PTPRD: variants seen among roughly 807,000 people sequenced by gnomAD.
The protein encoded by PTPRD is protein tyrosine phosphatase receptor type D.
In PTPRD, 34 loss-of-function variants were observed where a neutral mutation model predicts 214.5. That is an observed-to-expected ratio of 0.16 (90% confidence interval 0.12 to 0.21). The LOEUF is 0.21. Ranked by LOEUF, PTPRD falls within the 10% of genes least tolerant of loss-of-function variation. The pLI is 1.00. For missense variants in PTPRD, 2,545 were observed against 2,398.7 expected, an observed-to-expected ratio of 1.06 and a Z score of -1.27; for synonymous variants, 1,128 against 845.7, an observed-to-expected ratio of 1.33 and a Z score of -5.79.
At chr9:8,588,695 A>G (rs1159057989) in intron 14 of PTPRD, among the ~76,000 whole-genome samples, 1 of 152,228 alleles carries the variant, frequency 6.6e-6, no homozygotes, top group Non-Finnish European at 1.5e-5. Flanking sequence ...AATATAATAC[A>G]AGATAATACA....
At chr9:8,868,631 CT>C (rs796148766) in intron 11 of PTPRD, among the ~76,000 whole-genome samples, 2 of 151,960 alleles carry the variant, frequency 1.3e-5, no homozygotes, top group South Asian at 4.2e-4. Context: ...AAAGTTGTTT[CT>C]TTTTTTTCTC....
intron 33 of PTPRD, among the ~76,000 whole-genome samples, chr9:8,450,043 T>C (rs2095875013): frequency 6.6e-6 from 1 of 152,120 alleles, no homozygotes; most frequent in African/African-American, 2.4e-5. Flanking sequence ...TTTAAGTCAA[T>C]GATCTCGAAG....
intron 4 of PTPRD, among the ~76,000 whole-genome samples, chr9:9,942,696 T>A (rs984871259): frequency 9.2e-5 from 14 of 152,248 alleles, no homozygotes; most frequent in African/African-American, 3.4e-4. Flanking sequence ...CTATTTTAAT[T>A]AGCATTTAAA....
rs1271560131 is a variant in PTPRD, at chr9:8,950,711, T to C, written c.-104+67986A>G. Among the ~76,000 whole-genome samples, 11 of 151,990 alleles carry C rather than the reference T, an allele frequency of 7.2e-5. No homozygotes were observed. The East Asian group carries it at 1.9e-3, about 27-fold the overall frequency. On this transcript the variant is annotated intron_variant, in intron 11 of 45. Transcript: ENST00000381196. ...ACACTTAGAATTATGTTTTTCTTTT[T>C]TTTTTTTTAAATAGAGCTTGAAAGA...
At chr9:9,888,167 G>A (rs1215373530) in intron 5 of PTPRD, among the ~76,000 whole-genome samples, 4 of 152,096 alleles carry the variant, frequency 2.6e-5, no homozygotes, top group Non-Finnish European at 5.9e-5. Flanking sequence ...TTCCCACATA[G>A]CAAATGGTGG....
chr9:10,028,979 G>A (rs2096988814), intron 4 of PTPRD, among the ~76,000 whole-genome samples: 1 of 152,054 alleles, frequency 6.6e-6, no homozygotes, highest in African/African-American at 2.4e-5. Context: ...CAGGGTCCCT[G>A]GGCTGTGTGC....
At chr9:8,490,724 T>C (rs533363040) in intron 27 of PTPRD, among the ~76,000 whole-genome samples, 1 of 152,280 alleles carries the variant, frequency 6.6e-6, no homozygotes, top group Admixed American at 6.5e-5. Flanking sequence ...AGAAGCATCC[T>C]TGAGGTTATA....
At chr9:8,577,973 T>C (rs546070212) in intron 14 of PTPRD, among the ~76,000 whole-genome samples, 25 of 152,322 alleles carry the variant, frequency 1.6e-4, no homozygotes, top group East Asian at 1.9e-4. Context: ...AGGACTTTGA[T>C]GGTTTTCATC....
intron 9 of PTPRD, among the ~76,000 whole-genome samples, chr9:9,362,936 C>T (rs975696933): frequency 1.1e-4 from 17 of 151,068 alleles, no homozygotes; most frequent in African/African-American, 2.7e-4. Flanking sequence ...AGTGGTGGAA[C>T]GTAGATTCTT....
intron 8 of PTPRD, among the ~76,000 whole-genome samples, chr9:9,437,487 T>C (rs1024610482): frequency 2.0e-5 from 3 of 152,110 alleles, no homozygotes; most frequent in African/African-American, 7.2e-5. Flanking sequence ...CTGTTGCGAT[T>C]TTTAATATAT....
At chr9:8,520,362 A>T (rs965232033) in intron 20 of PTPRD, among the ~76,000 whole-genome samples, 4 of 152,166 alleles carry the variant, frequency 2.6e-5, no homozygotes, top group Non-Finnish European at 5.9e-5. Flanking sequence ...GCTTGGTTAG[A>T]GATGCGATAC....
At chr9:9,170,336 T>G (rs958224801) in intron 10 of PTPRD, among the ~76,000 whole-genome samples, 4 of 152,194 alleles carry the variant, frequency 2.6e-5, no homozygotes, top group African/African-American at 9.6e-5. Flanking sequence ...TTTACTTATG[T>G]TAGATTTCAC....
intron 12 of PTPRD, among the ~76,000 whole-genome samples, chr9:8,727,403 G>A (rs1490936908): frequency 6.6e-6 from 1 of 152,196 alleles, no homozygotes; most frequent in Non-Finnish European, 1.5e-5. Flanking sequence ...TACTTTCCTT[G>A]CTTCAGACAG....
At chr9:9,241,647 T>C (rs944451451) in intron 9 of PTPRD, among the ~76,000 whole-genome samples, 1 of 152,034 alleles carries the variant, frequency 6.6e-6, no homozygotes, top group African/African-American at 2.4e-5. Context: ...GCCTGTTTTA[T>C]CAGAGACTAG....
At chr9:9,381,740 C>G (rs977433359) in intron 9 of PTPRD, among the ~76,000 whole-genome samples, 2 of 149,774 alleles carry the variant, frequency 1.3e-5, no homozygotes, top group African/African-American at 4.9e-5. Context: ...TTTTTAGTGG[C>G]TACCATAAAG....
chr9:10,347,795 C>A (rs146614831), intron 2 of PTPRD, among the ~76,000 whole-genome samples: 2 of 152,062 alleles, frequency 1.3e-5, no homozygotes, highest in East Asian at 2.0e-4. Flanking sequence ...CAGTGGCTCA[C>A]GCCTGTAATC....
At chr9:10,194,157 C>A (rs995508328) in intron 3 of PTPRD, among the ~76,000 whole-genome samples, 2 of 152,072 alleles carry the variant, frequency 1.3e-5, no homozygotes, top group Middle Eastern at 6.8e-3. Flanking sequence ...CTTAGCTTAT[C>A]ATTGATGCCT....
chr9:8,594,174 A>T (rs2094325730), intron 14 of PTPRD, among the ~76,000 whole-genome samples: 1 of 152,150 alleles, frequency 6.6e-6, no homozygotes, highest in African/African-American at 2.4e-5. Context: ...CTAATCTCCA[A>T]TCTCCACTTT....
At chr9:9,130,145 G>A (rs1395304386) in intron 10 of PTPRD, among the ~76,000 whole-genome samples, 2 of 152,062 alleles carry the variant, frequency 1.3e-5, no homozygotes, top group Admixed American at 6.5e-5. Flanking sequence ...TTTCAGGGGG[G>A]CTTGGGCAAT....
Sources: gnomAD v4.1 joint callset for allele counts (sites outside exome capture counted in the v4.1 genomes callset) on GRCh38, gnomAD v4.1.1 for gene constraint, MANE v1.5 for transcripts, NCBI Gene and HGNC (gene_info 2026-07-23, HGNC 2026-07-21) for gene names.